TNNI3K: variants seen among roughly 807,000 people sequenced by gnomAD.
TNNI3K encodes serine/threonine-protein kinase TNNI3K.
Under a neutral mutation model 114.5 loss-of-function variants are expected in TNNI3K, and 140 were observed. The observed-to-expected ratio is 1.22, with a 90% CI of 1.07 to 1.41. The LOEUF (loss-of-function observed/expected upper bound fraction) is 1.41, where lower values mean the gene tolerates loss of function less well. Ranked by LOEUF, TNNI3K falls within the 40% of genes most tolerant of loss-of-function variation. The pLI is 0.00. For missense variants in TNNI3K, 1,125 were observed against 1,007.6 expected, an observed-to-expected ratio of 1.12 and a Z score of -1.58; for synonymous variants, 347 against 347.5, an observed-to-expected ratio of 1.00 and a Z score of 0.02.
At chr1:74,461,129 T>C (rs185109729) in intron 20 of TNNI3K, among the ~76,000 whole-genome samples, 8 of 152,296 alleles carry the variant, frequency 5.3e-5, no homozygotes, top group Admixed American at 2.0e-4. Flanking sequence ...AGATCAGTGA[T>C]TGCTGAGCAC....
intron 9 of TNNI3K, 92 bp from the exon 10 acceptor site, chr1:74,353,172 CAG>C: frequency 7.8e-7 from 1 of 1,279,646 alleles, no homozygotes. Flanking sequence ...GTTATAACTT[CAG>C]CATATGATTT....
At chr1:74,534,555 C>T (rs1646636719) in intron 23 of TNNI3K, among the ~76,000 whole-genome samples, 1 of 152,146 alleles carries the variant, frequency 6.6e-6, no homozygotes, top group Non-Finnish European at 1.5e-5. Flanking sequence ...TATGACACTG[C>T]CTGGTCCCAC....
chr1:74,264,011 G>A (rs1258854671), intron 4 of TNNI3K, among the ~76,000 whole-genome samples: 2 of 151,810 alleles, frequency 1.3e-5, no homozygotes, highest in Non-Finnish European at 2.9e-5. Flanking sequence ...ATGATTTAAG[G>A]ATGTTCAAAG....
intron 17 of TNNI3K, chr1:74,375,816 G>T: frequency 3.8e-6 from 1 of 263,636 alleles, no homozygotes; most frequent in Non-Finnish European, 8.0e-6. Flanking sequence ...TGTACAGCTG[G>T]CTGTGCGTGA....
intron 23 of TNNI3K, among the ~76,000 whole-genome samples, chr1:74,527,977 C>T (rs1046892919): frequency 8.6e-5 from 13 of 152,014 alleles, no homozygotes; most frequent in African/African-American, 2.9e-4. Flanking sequence ...TGGGGCTGCC[C>T]GGCCAAGGTG....
intron 5 of TNNI3K, among the ~76,000 whole-genome samples, chr1:74,278,444 G>A (rs1195040285): frequency 6.6e-6 from 1 of 152,132 alleles, no homozygotes; most frequent in East Asian, 1.9e-4. Context: ...ATACACAGAA[G>A]CTTAGAATAT....
intron 17 of TNNI3K, among the ~76,000 whole-genome samples, chr1:74,425,537 T>C (rs1665596325): frequency 6.6e-6 from 1 of 152,142 alleles, no homozygotes; most frequent in Admixed American, 6.6e-5. Context: ...TCTCCCATTC[T>C]TCTCATTCTT....
chr1:74,307,262 A>G (rs749837901), intron 5 of TNNI3K, among the ~76,000 whole-genome samples: 2 of 152,218 alleles, frequency 1.3e-5, no homozygotes, highest in Non-Finnish European at 2.9e-5. Flanking sequence ...TGACAGGAAC[A>G]AAGTCTTACA....
chr1:74,537,507 G>A (rs1346871886), intron 23 of TNNI3K, among the ~76,000 whole-genome samples: 1 of 152,160 alleles, frequency 6.6e-6, no homozygotes, highest in East Asian at 1.9e-4. Flanking sequence ...AGTGTGAACT[G>A]ATGTTAGCTT....
At chr1:74,495,226 G>A (rs1393927498) in intron 23 of TNNI3K, among the ~76,000 whole-genome samples, 4 of 152,324 alleles carry the variant, frequency 2.6e-5, no homozygotes, top group African/African-American at 9.6e-5. Context: ...CTGTGAGCGT[G>A]CATTCAAGGT....
chr1:74,423,280 G>A (rs1665485362), intron 17 of TNNI3K, among the ~76,000 whole-genome samples: 1 of 150,532 alleles, frequency 6.6e-6, no homozygotes, highest in African/African-American at 2.4e-5. Flanking sequence ...TGTGCCCTTT[G>A]TTGCACATAC....
At chr1:74,526,362 G>T (rs1424030532) in intron 23 of TNNI3K, among the ~76,000 whole-genome samples, 4 of 152,122 alleles carry the variant, frequency 2.6e-5, no homozygotes, top group African/African-American at 4.8e-5. Flanking sequence ...AATAAAATTG[G>T]TTTTGTGATT....
intron 21 of TNNI3K, among the ~76,000 whole-genome samples, chr1:74,463,949 C>G (rs553748905): frequency 6.6e-6 from 1 of 152,206 alleles, no homozygotes; most frequent in Non-Finnish European, 1.5e-5. Context: ...TTCAGTAGCA[C>G]TGGCTCACGT....
intron 17 of TNNI3K, among the ~76,000 whole-genome samples, chr1:74,399,587 G>A (rs967391466): frequency 2.6e-5 from 4 of 152,004 alleles, no homozygotes; most frequent in Non-Finnish European, 5.9e-5. Flanking sequence ...GGGGGCGGGC[G>A]GTGGACACAT....
At chr1:74,518,286 A>T (rs1646377498) in intron 23 of TNNI3K, among the ~76,000 whole-genome samples, 1 of 152,142 alleles carries the variant, frequency 6.6e-6, no homozygotes, top group South Asian at 2.1e-4. Flanking sequence ...CATTAACAGA[A>T]ATTGAAAGGA....
chr1:74,236,805 C>T (rs1344849500), intron 2 of TNNI3K, among the ~76,000 whole-genome samples: 2 of 151,716 alleles, frequency 1.3e-5, no homozygotes, highest in Non-Finnish European at 3.0e-5. Flanking sequence ...ACAAAATGTT[C>T]AGAAAAGAGG....
chr1:74,526,544 G>A (rs900170249), intron 23 of TNNI3K, among the ~76,000 whole-genome samples: 4 of 152,180 alleles, frequency 2.6e-5, no homozygotes, highest in African/African-American at 9.6e-5. Context: ...ATGAAAATAA[G>A]AATATCATCT....
chr1:74,421,597 C>A (rs1209486769), intron 17 of TNNI3K, among the ~76,000 whole-genome samples: 4 of 152,034 alleles, frequency 2.6e-5, no homozygotes, highest in Non-Finnish European at 5.9e-5. Flanking sequence ...GAATTAAATG[C>A]TGTAAGAACT....
chr1:74,452,771 C>A (rs940119239), intron 20 of TNNI3K, among the ~76,000 whole-genome samples: 1 of 152,076 alleles, frequency 6.6e-6, no homozygotes, highest in Non-Finnish European at 1.5e-5. Context: ...TGATTATGTC[C>A]CTGCCTGCCT....
Sources: allele counts gnomAD v4.1 joint callset (sites outside exome capture counted in the v4.1 genomes callset), GRCh38; gene constraint gnomAD v4.1.1; transcripts MANE v1.5; gene names NCBI Gene and HGNC (gene_info 2026-07-23, HGNC 2026-07-21).